DMXL1: variants seen among roughly 807,000 people sequenced by gnomAD.
DMXL1 encodes Dmx like 1.
Under a neutral mutation model 319.2 loss-of-function variants are expected in DMXL1, and 99 were observed. That is an observed-to-expected ratio of 0.31 (90% CI 0.26 to 0.37). The LOEUF is 0.37. DMXL1 is among the 10% of genes least tolerant of loss of function. DMXL1 has a pLI of 1.00. For synonymous variants in DMXL1, 1,385 were observed against 1,235.2 expected, an observed-to-expected ratio of 1.12 and a Z score of -2.54; for missense variants, 3,745 against 3,595.6, an observed-to-expected ratio of 1.04 and a Z score of -1.06.
intron 1 of DMXL1, among the ~76,000 whole-genome samples, chr5:119,096,160 G>A (rs1479476657): frequency 6.7e-6 from 1 of 150,370 alleles, no homozygotes; most frequent in Non-Finnish European, 1.5e-5. Flanking sequence ...TAGGAATTAA[G>A]GTGTATATGA....
rs781309689 is a variant in DMXL1, at chr5:119,220,681, GC to G, written c.8135+89del. ...TAAAACTTTCAAAAGATTCTTTAAA[GC>G]AATGTATAGATTGTAAGCAGAGTAG... is the stretch of plus-strand genomic sequence containing the variant. On this transcript the variant is annotated intron_variant, in intron 36 of 43. Coordinates refer to ENST00000539542, the MANE Select transcript of DMXL1 (RefSeq NM_001290321.3). The G allele has an allele frequency of 1.4e-3, 2,144 of 1,484,602 alleles. 9 individuals are homozygous for G. The highest frequency in any genetic ancestry group is 1.4e-3 in the Non-Finnish European group (1,505 of 1,093,136). The allele number at this position is 1,484,602 out of a possible 1,614,324, so 92.0% of individuals were successfully genotyped here.
chr5:119,192,612 C>G (rs1406181941), intron 29 of DMXL1, among the ~76,000 whole-genome samples: 1 of 152,142 alleles, frequency 6.6e-6, no homozygotes, highest in Non-Finnish European at 1.5e-5. Context: ...GTAGTGGAAA[C>G]TTTTAAATTA....
chr5:119,141,854 A>G (rs1767428043), intron 13 of DMXL1, among the ~76,000 whole-genome samples: 1 of 152,174 alleles, frequency 6.6e-6, no homozygotes, highest in African/African-American at 2.4e-5. Flanking sequence ...ATGTTACCCG[A>G]CTTCAAACTA....
At chr5:119,226,758 C>T (rs1785648878) in intron 38 of DMXL1, among the ~76,000 whole-genome samples, 1 of 152,134 alleles carries the variant, frequency 6.6e-6, no homozygotes, top group Non-Finnish European at 1.5e-5. Flanking sequence ...TCAGAGTGCC[C>T]ACAGCTCCCT....
chr5:119,103,729 A>C (rs1757752835), intron 3 of DMXL1, among the ~76,000 whole-genome samples: 1 of 152,216 alleles, frequency 6.6e-6, no homozygotes, highest in Non-Finnish European at 1.5e-5. Flanking sequence ...AGAATTTTTT[A>C]AGGCGATTAC....
chr5:119,098,623 G>A lies in DMXL1; in HGVS notation c.213+519G>A, dbSNP rs552739808. 1.4e-3 allele frequency among the ~76,000 whole-genome samples: 210 copies of A among 152,144 alleles called. 1 individual carries two copies. The highest frequency in any genetic ancestry group is 3.9e-3 in the South Asian group (19 of 4,812). Reference sequence around the variant, plus strand: ...TCTATTTGCATATGAAAAGTAGAAAGGTAACCTTGAAAGTAAAATAGCAAC... The same window carrying A: ...TCTATTTGCATATGAAAAGTAGAAAAGTAACCTTGAAAGTAAAATAGCAAC... On this transcript the variant is annotated intron_variant, in intron 2 of 43. Coordinates refer to ENST00000539542, the MANE Select transcript of DMXL1 (RefSeq NM_001290321.3).
chr5:119,208,575 T>A lies in DMXL1; in HGVS notation c.7926+1679T>A, dbSNP rs569780049. ...GATGCTGTTTATAAAATGCTAATAATCATAATGTTGTATTTCTATAGTCAG... is the reference window on the plus strand; with the variant it reads ...GATGCTGTTTATAAAATGCTAATAAACATAATGTTGTATTTCTATAGTCAG... On this transcript the variant is annotated intron_variant, in intron 34 of 43. Coordinates refer to ENST00000539542, the MANE Select transcript of DMXL1 (RefSeq NM_001290321.3). Among the ~76,000 whole-genome samples the A allele has an allele frequency of 2.0e-5, 3 of 152,310 alleles. No individual in the cohort carries two copies. In the South Asian group the frequency reaches 6.2e-4, roughly 32 times the overall value.
chr5:119,227,723 C>T (rs1056796026), intron 38 of DMXL1, among the ~76,000 whole-genome samples: 3 of 152,084 alleles, frequency 2.0e-5, no homozygotes, highest in Admixed American at 6.6e-5. Flanking sequence ...ATATATGAGT[C>T]AAAGCCTTGG....
chr5:119,108,921 C>T (rs980702279), intron 4 of DMXL1, among the ~76,000 whole-genome samples: 1 of 152,072 alleles, frequency 6.6e-6, no homozygotes, highest in African/African-American at 2.4e-5. Context: ...CCTGCCTCAG[C>T]CTCCTGAGTA....
intron 5 of DMXL1, among the ~76,000 whole-genome samples, chr5:119,112,738 C>T (rs964433459): frequency 1.3e-5 from 2 of 152,156 alleles, no homozygotes; most frequent in African/African-American, 4.8e-5. Flanking sequence ...GGGTGGATCA[C>T]CTGAGGTCGG....
At chr5:119,181,647 A>G (rs1434123842) in intron 28 of DMXL1, among the ~76,000 whole-genome samples, 2 of 152,126 alleles carry the variant, frequency 1.3e-5, no homozygotes, top group African/African-American at 2.4e-5. Context: ...CAAGTGAAAC[A>G]CTGTCTCTAC....
chr5:119,153,802 T>C (rs898758054), intron 19 of DMXL1, among the ~76,000 whole-genome samples: 1 of 152,240 alleles, frequency 6.6e-6, no homozygotes, highest in Non-Finnish European at 1.5e-5. Flanking sequence ...CTCCTTTTTA[T>C]TGTGTTCTGC....
intron 34 of DMXL1, 65 bp downstream of exon 34, chr5:119,206,961 ATTTTAC>A: frequency 1.0e-6 from 1 of 991,510 alleles, no homozygotes; most frequent in East Asian, 2.7e-5. Flanking sequence ...AAGCATTTGC[ATTTTAC>A]TTTTAAACTG....
Position 119,121,130 on chromosome 5 carries a change from C to G in DMXL1, c.1093C>G (p.Pro365Ala), listed in dbSNP as rs753279192. The G allele has an allele frequency of 6.2e-7, 1 of 1,603,916 alleles. No homozygotes were observed. Among genetic ancestry groups the G allele is most frequent in the South Asian group, 1.1e-5 (1 of 88,674 alleles). Residue 365 changes from proline (P) to alanine (A), a missense_variant, in exon 9 of 44, where the codon CCA becomes GCA. Around this residue, in one of 4 missense-constraint regions of DMXL1, gnomAD observed 2,096 missense variants for 1,985.4 expected, o/e 1.06. Transcript: ENST00000539542. ...CTTTCATATTGCAGCCAGCATCAAC[C>G]CAGCCACAGGTAATGAAACATTGTT... ...CHFHIAASIN[P>A]ATDIPLLPSI...
At chr5:119,176,718 T>C (rs1215896099) in intron 26 of DMXL1, among the ~76,000 whole-genome samples, 1 of 152,108 alleles carries the variant, frequency 6.6e-6, no homozygotes, top group Non-Finnish European at 1.5e-5. Flanking sequence ...AAATTCCTTA[T>C]ACCATTTTCT....
At chr5:119,131,089 C>T (rs536672529) in intron 10 of DMXL1, among the ~76,000 whole-genome samples, 3 of 147,826 alleles carry the variant, frequency 2.0e-5, no homozygotes, top group Non-Finnish European at 4.5e-5. Context: ...AGCAGAATAT[C>T]TTTTATTATA....
Position 119,149,031 on chromosome 5 carries a change from T to G in DMXL1, c.3204T>G (p.Ser1068Arg). Reference sequence around the variant, plus strand: ...CTTATAAGCAGCCTGCATCTAATAGTAGATCTTCCCAGGACTTTGTGATGC... The same window carrying G: ...CTTATAAGCAGCCTGCATCTAATAGGAGATCTTCCCAGGACTTTGTGATGC... ...AVAYKQPASN[S>R]RSSQDFVMHV... Residue 1068 changes from serine (S) to arginine (R), a missense_variant, in exon 18 of 44, where the codon AGT (serine) becomes AGG (arginine). By Grantham distance (110) the Ser-to-Arg change is moderately radical (BLOSUM62 -1). This residue lies in a region of DMXL1 where 2,096 missense variants were observed against 1,985.4 expected (regional missense o/e 1.06). Coordinates refer to ENST00000539542, the MANE Select transcript of DMXL1 (RefSeq NM_001290321.3). 1 of 1,613,930 alleles carries G rather than the reference T, an allele frequency of 6.2e-7. No homozygotes were observed. Among genetic ancestry groups the G allele is most frequent in the South Asian group, 1.1e-5 (1 of 91,078 alleles).
At chr5:119,089,171 G>A (rs1754027197) in intron 1 of DMXL1, among the ~76,000 whole-genome samples, 1 of 147,140 alleles carries the variant, frequency 6.8e-6, no homozygotes, top group Admixed American at 6.9e-5. Context: ...TTGTCTTTTA[G>A]CATTTTGAAA....
At position 119,150,307 on chromosome 5, in the gene DMXL1, C is replaced by T; in HGVS notation, c.4480C>T (p.Leu1494Phe). Reference protein sequence around the residue: ...EHAQVLSGHLLHSSLPGLSRM... With the variant: ...EHAQVLSGHLFHSSLPGLSRM... The stretch of plus-strand genomic sequence containing the variant: ...TGCTCAGGTTCTTTCTGGCCACTTA[C>T]TTCATTCTAGTTTACCAGGACTCAG... Residue 1494 changes from leucine to phenylalanine, a missense_variant, in exon 18 of 44, where the codon CTT becomes TTT. Leu to Phe is a conservative substitution (Grantham distance 22). Transcript: ENST00000539542. 6.2e-7 allele frequency: 1 copy of T among 1,613,796 alleles called. No individual in the cohort carries two copies. The highest frequency in any genetic ancestry group is 2.2e-5 in the East Asian group (1 of 44,846).
Sources: gnomAD v4.1 joint callset for allele counts (sites outside exome capture counted in the v4.1 genomes callset) on GRCh38, gnomAD v4.1.1 for gene constraint, gnomAD v4.1.1 regional missense constraint, MANE v1.5 for transcripts, NCBI Gene and HGNC (gene_info 2026-07-23, HGNC 2026-07-21) for gene names.